Variants in OPCML observed in about 807,000 individuals in gnomAD.
OPCML encodes the protein opioid-binding protein/cell adhesion molecule.
Under a neutral mutation model 37.8 loss-of-function variants are expected in OPCML, and 13 were observed. The ratio of observed to expected loss-of-function variants is 0.34; its 90% CI spans 0.22 to 0.55. The LOEUF (loss-of-function observed/expected upper bound fraction) is 0.55, where lower values mean the gene tolerates loss of function less well. Among genes scored for constraint, OPCML ranks in the 20% least tolerant of loss-of-function variants. OPCML has a pLI of 0.91. For missense variants in OPCML, 341 were observed against 435.6 expected (o/e 0.78, Z 1.93); for synonymous variants, 176 against 168.8 (o/e 1.04, Z -0.33).
At chr11:133,356,660 A>T (rs1944298003) in intron 1 of OPCML, among the ~76,000 whole-genome samples, 1 of 152,134 alleles carries the variant, frequency 6.6e-6, no homozygotes, top group Non-Finnish European at 1.5e-5. Flanking sequence ...ATCACCTATA[A>T]ATTAGCCTTC....
Position 132,896,695 on chromosome 11 carries a change from T to C in OPCML, c.146+46231A>G, listed in dbSNP as rs74890877. Among the ~76,000 whole-genome samples, 301 of 152,332 alleles carry C rather than the reference T, an allele frequency of 2.0e-3. 1 individual carries two copies. Among genetic ancestry groups the C allele is most frequent in the Non-Finnish European group, 3.4e-3 (231 of 68,024 alleles). ...TTCACTGCCTTTCCCTTCCATAAGA[T>C]TTCATACTGTTCTATTGATAACCTT... On this transcript the variant is annotated intron_variant, in intron 2 of 7. Transcript: ENST00000524381.
chr11:132,548,509 G>A (rs927094883), intron 3 of OPCML, among the ~76,000 whole-genome samples: 2 of 152,120 alleles, frequency 1.3e-5, no homozygotes, highest in South Asian at 2.1e-4. Flanking sequence ...CAATTAAATG[G>A]CATTTAAAAG....
intron 2 of OPCML, among the ~76,000 whole-genome samples, chr11:132,782,153 G>C (rs2136153885): frequency 6.6e-6 from 1 of 151,986 alleles, no homozygotes; most frequent in East Asian, 1.9e-4. Context: ...GAGAGAGTCA[G>C]TGGTGACAAA....
At chr11:132,724,232 C>T (rs1591519698) in intron 2 of OPCML, among the ~76,000 whole-genome samples, 1 of 152,104 alleles carries the variant, frequency 6.6e-6, no homozygotes, top group African/African-American at 2.4e-5. Context: ...TAAAGGACAC[C>T]CTGGAAGAGA....
intron 3 of OPCML, among the ~76,000 whole-genome samples, chr11:132,541,643 A>T (rs997219310): frequency 6.6e-6 from 1 of 151,992 alleles, no homozygotes; most frequent in South Asian, 2.1e-4. Context: ...CAGTTTTACT[A>T]CTACTTTACA....
rs936662138 is a variant in OPCML, at chr11:132,499,542, G to A, written c.505+29519C>T. Reference sequence around the variant, plus strand: ...ATTTCACATAGATGGGAAAAGCATGGTGATGGAGCATCGCAGAGGAGGCAG... The same window carrying A: ...ATTTCACATAGATGGGAAAAGCATGATGATGGAGCATCGCAGAGGAGGCAG... On this transcript the variant is annotated intron_variant, in intron 4 of 7. Coordinates refer to ENST00000524381, the MANE Select transcript of OPCML (RefSeq NM_001012393.5). Among the ~76,000 whole-genome samples the A allele has an allele frequency of 2.6e-5, 4 of 152,232 alleles. No homozygotes were observed. In the South Asian group the frequency reaches 6.2e-4, roughly 24 times the overall value.
chr11:133,450,106 A>T (rs927585348), intron 1 of OPCML, among the ~76,000 whole-genome samples: 3 of 151,802 alleles, frequency 2.0e-5, no homozygotes, highest in African/African-American at 7.3e-5. Flanking sequence ...ATAAGAACAA[A>T]AGCCAGAAGA....
intron 2 of OPCML, among the ~76,000 whole-genome samples, chr11:132,719,219 C>T (rs1454852620): frequency 6.6e-6 from 1 of 152,166 alleles, no homozygotes; most frequent in Non-Finnish European, 1.5e-5. Flanking sequence ...TGGCCTTCCG[C>T]GTTTTCGTTT....
At chr11:133,052,572 C>A (rs1340092465) in intron 1 of OPCML, among the ~76,000 whole-genome samples, 1 of 152,186 alleles carries the variant, frequency 6.6e-6, no homozygotes, top group Non-Finnish European at 1.5e-5. Context: ...TCCATGGCAC[C>A]TGGATGTTGC....
At chr11:132,799,059 A>T (rs57370347) in intron 2 of OPCML, among the ~76,000 whole-genome samples, 9,369 of 152,228 alleles carry the variant, frequency 0.062, 738 homozygotes, top group African/African-American at 0.19. Flanking sequence ...TCAGAATGAC[A>T]AATGGCTTCA....
intron 2 of OPCML, among the ~76,000 whole-genome samples, chr11:132,929,825 C>T (rs1291775018): frequency 1.3e-5 from 2 of 152,026 alleles, no homozygotes; most frequent in African/African-American, 4.8e-5. Flanking sequence ...TGAATTGATA[C>T]AGAAAATGCA....
intron 2 of OPCML, among the ~76,000 whole-genome samples, chr11:132,778,640 CA>C (rs1472929289): frequency 2.6e-5 from 4 of 152,064 alleles, no homozygotes; most frequent in African/African-American, 9.7e-5. Context: ...TTTTTACTGT[CA>C]CTGTAATTTT....
intron 2 of OPCML, among the ~76,000 whole-genome samples, chr11:132,937,556 G>A (rs1370808149): frequency 2.0e-5 from 3 of 150,404 alleles, no homozygotes; most frequent in Non-Finnish European, 3.0e-5. Flanking sequence ...TGTGGAGTGT[G>A]TGTGTGTCGT....
intron 1 of OPCML, among the ~76,000 whole-genome samples, chr11:133,354,297 GGT>G: frequency 2.3e-5 from 1 of 43,998 alleles, no homozygotes; most frequent in Non-Finnish European, 4.4e-5. Flanking sequence ...TGGTGCTGGT[GGT>G]GGTGACGTGT....
intron 2 of OPCML, among the ~76,000 whole-genome samples, chr11:132,788,237 T>C (rs556144379): frequency 1.3e-5 from 2 of 152,250 alleles, no homozygotes; most frequent in East Asian, 3.9e-4. Flanking sequence ...ACTCTTGCTC[T>C]TTTCCCTGAA....
intron 3 of OPCML, among the ~76,000 whole-genome samples, chr11:132,622,202 C>T (rs770461983): frequency 1.3e-5 from 2 of 151,340 alleles, no homozygotes; most frequent in African/African-American, 2.4e-5. Flanking sequence ...TTTAGTCCGG[C>T]AGTAAAGATC....
In OPCML at chr11:133,015,395, TGAAG is replaced by T. The variant is rs1212156985; in HGVS notation, c.62-72389_62-72386del. On this transcript the variant is annotated intron_variant, in intron 1 of 7. Transcript: ENST00000524381. ...ATGAAGGAAGGAAGGAAGGAAGGAA[TGAAG>T]GAAGGAAGGAAGGAAGGAAGGAAGG... Among the ~76,000 whole-genome samples, 664 of 68,230 alleles carry T rather than the reference TGAAG, an allele frequency of 9.7e-3. 15 individuals are homozygous for T. The highest frequency in any genetic ancestry group is 0.013 in the Non-Finnish European group (464 of 35,530). 44.8% of individuals were successfully genotyped at this position (68,230 alleles called of 152,430 possible).
intron 4 of OPCML, among the ~76,000 whole-genome samples, chr11:132,462,585 G>C (rs1457231968): frequency 6.6e-6 from 1 of 152,208 alleles, no homozygotes; most frequent in African/African-American, 2.4e-5. Context: ...TTCCTGGCTA[G>C]AGTCTCCTTG....
intron 3 of OPCML, among the ~76,000 whole-genome samples, chr11:132,599,814 C>G (rs1314702523): frequency 6.6e-6 from 1 of 152,156 alleles, no homozygotes; most frequent in African/African-American, 2.4e-5. Context: ...TTCTTTTTAT[C>G]TGCAGTATAA....
Sources: gnomAD v4.1 joint callset for allele counts (sites outside exome capture counted in the v4.1 genomes callset) on GRCh38, gnomAD v4.1.1 for gene constraint, MANE v1.5 for transcripts, NCBI Gene and HGNC (gene_info 2026-07-23, HGNC 2026-07-21) for gene names.